Variants in ABCC8 observed in about 807,000 individuals in gnomAD.
The protein encoded by ABCC8 is ATP-binding cassette sub-family C member 8.
Under a neutral mutation model 188.0 loss-of-function variants are expected in ABCC8, and 137 were observed. The observed-to-expected ratio is 0.73, with a 90% CI of 0.63 to 0.84. The LOEUF (loss-of-function observed/expected upper bound fraction) is 0.84, where lower values mean the gene tolerates loss of function less well. Ranked by LOEUF, ABCC8 falls within the 40% of genes least tolerant of loss-of-function variation. ABCC8 has a pLI of 0.00. For missense variants in ABCC8, 1,750 were observed against 2,072.7 expected (o/e 0.84, Z 3.02); for synonymous variants, 797 against 846.5 (o/e 0.94, Z 1.01).
chr11:17,402,148 G>A (rs1231070721), intron 29 of ABCC8, among the ~76,000 whole-genome samples: 2 of 152,216 alleles, frequency 1.3e-5, no homozygotes, highest in Non-Finnish European at 2.9e-5. Context: ...TGAACAAATA[G>A]GTTCAAGTCT....
At chr11:17,475,462 A>T (rs958918331) in intron 1 of ABCC8, among the ~76,000 whole-genome samples, 7 of 152,082 alleles carry the variant, frequency 4.6e-5, no homozygotes, top group African/African-American at 1.7e-4. Flanking sequence ...GGACTCAAGC[A>T]GTCTTCCTGT....
At chr11:17,420,362 A>G (rs1486448336) in intron 16 of ABCC8, among the ~76,000 whole-genome samples, 1 of 152,198 alleles carries the variant, frequency 6.6e-6, no homozygotes, top group Admixed American at 6.5e-5. Flanking sequence ...TCACAGAGCT[A>G]GCAAGTGGCA....
At chr11:17,415,847 T>C (rs1454135213) in intron 17 of ABCC8, among the ~76,000 whole-genome samples, 2 of 152,188 alleles carry the variant, frequency 1.3e-5, no homozygotes, top group African/African-American at 2.4e-5. Context: ...GCTCCAGGCA[T>C]GATCTGCAGC....
At chr11:17,402,523 C>A in intron 29 of ABCC8, 138 bp downstream of exon 29, 1 of 1,548,378 alleles carries the variant, frequency 6.5e-7, no homozygotes, top group Non-Finnish European at 8.7e-7. Context: ...ATCCCTTGGG[C>A]CTTGGGACCT....
Position 17,427,244 on chromosome 11 carries a change from C to A in ABCC8, c.2117-90G>T. 2.1e-6 allele frequency: 3 copies of A among 1,396,052 alleles called. No homozygotes were observed. The highest frequency in any genetic ancestry group is 2.8e-6 in the Non-Finnish European group (3 of 1,075,830). 86.5% of individuals were successfully genotyped at this position (1,396,052 alleles called of 1,614,324 possible). A position where few individuals can be genotyped will look rare whatever the true frequency, so the allele number is the denominator to read the frequency against. ...AAGACAGACAGACAGATGCACCCAA[C>A]CCTGGGGCCCCTGTTTTCTTTCTTC... is the stretch of plus-strand genomic sequence containing the variant. On this transcript the variant is annotated intron_variant, in intron 15 of 38. Coordinates refer to ENST00000389817, the MANE Select transcript of ABCC8 (RefSeq NM_000352.6). The surrounding 1 kb of genome is among the most constrained non-coding windows in gnomAD (Gnocchi z 5.0).
At chr11:17,401,272 G>T (rs1156417016) in intron 29 of ABCC8, among the ~76,000 whole-genome samples, 2 of 152,220 alleles carry the variant, frequency 1.3e-5, no homozygotes, top group Non-Finnish European at 2.9e-5. Flanking sequence ...GAGGAGGCTG[G>T]GAGGAGACTC....
chr11:17,431,392 A>T (rs756831241), intron 11 of ABCC8, among the ~76,000 whole-genome samples: 12 of 152,244 alleles, frequency 7.9e-5, no homozygotes, highest in Non-Finnish European at 1.8e-4. Flanking sequence ...TCTGTTACCC[A>T]CAGTTCCCCC....
chr11:17,457,594 T>G (rs1957041133), intron 6 of ABCC8, among the ~76,000 whole-genome samples: 1 of 151,804 alleles, frequency 6.6e-6, no homozygotes, highest in Non-Finnish European at 1.5e-5. Flanking sequence ...AGATTGGGAG[T>G]AGGGGTTGGG....
chr11:17,408,952 C>CTTTT (rs376681171), intron 22 of ABCC8, among the ~76,000 whole-genome samples: 8 of 125,816 alleles, frequency 6.4e-5, no homozygotes, highest in East Asian at 2.4e-4. Flanking sequence ...ATCAATAAAT[C>CTTTT]TTTTTTTTTT....
chr11:17,428,596 G>A lies in ABCC8; in HGVS notation c.1892C>T (p.Pro631Leu), dbSNP rs1347983128. 6.2e-7 allele frequency: 1 copy of A among 1,614,032 alleles called. No individual in the cohort carries two copies. Among genetic ancestry groups the A allele is most frequent in the Non-Finnish European group, 8.5e-7 (1 of 1,180,050 alleles). Reference sequence around the variant, plus strand: ...CTGGTACTTGCTGGCTGGGCCCTGAGGTGTGGGCTCATGGGGGGCACACTG... The same window carrying A: ...CTGGTACTTGCTGGCTGGGCCCTGAAGTGTGGGCTCATGGGGGGCACACTG... ...EEQCAPHEPT[P>L]QGPASKYQAV... The change falls in exon 13 of 39, where the codon CCT becomes CTT. Residue 631 changes from proline (P) to leucine (L), a missense_variant. By Grantham distance (98) the Pro-to-Leu change is moderately conservative. Coordinates refer to ENST00000389817, the MANE Select transcript of ABCC8 (RefSeq NM_000352.6).
intron 18 of ABCC8, 28 bp downstream of exon 18, chr11:17,415,276 G>T (rs750802838): frequency 3.7e-6 from 6 of 1,600,938 alleles, no homozygotes. Flanking sequence ...AGTTGACCCT[G>T]GGGGGCAATG....
intron 4 of ABCC8, among the ~76,000 whole-genome samples, chr11:17,462,388 C>T (rs571452763): frequency 2.0e-5 from 3 of 152,156 alleles, no homozygotes; most frequent in Admixed American, 6.5e-5. Flanking sequence ...TGCAGGCAGT[C>T]CAAGTTCGAA....
intron 8 of ABCC8, among the ~76,000 whole-genome samples, chr11:17,447,379 C>T (rs1423138801): frequency 6.6e-6 from 1 of 152,180 alleles, no homozygotes; most frequent in African/African-American, 2.4e-5. Context: ...CTTCCTGAGC[C>T]AGCACCAAAG....
intron 10 of ABCC8, among the ~76,000 whole-genome samples, chr11:17,432,982 T>G (rs953212538): frequency 1.2e-4 from 18 of 152,184 alleles, no homozygotes; most frequent in Admixed American, 6.5e-5. Context: ...TTTTGTAAAC[T>G]TATAAATACT....
chr11:17,450,298 CTTTCTTTCTTTCTTTCTTTCTTTCTT>C (rs1564959098), intron 7 of ABCC8, among the ~76,000 whole-genome samples: 14 of 134,110 alleles, frequency 1.0e-4, no homozygotes, highest in African/African-American at 4.2e-4. Flanking sequence ...TTCTTTCTTT[CTTTCTTTCTTTCTTTCTTTCTTTCTT>C]TCTCTCTCTC....
chr11:17,435,423 A>G (rs1956046728), intron 10 of ABCC8, among the ~76,000 whole-genome samples: 1 of 152,232 alleles, frequency 6.6e-6, no homozygotes. Flanking sequence ...TTCTAGGCCC[A>G]GAGAGGCAAG....
chr11:17,423,446 G>C (rs188269659), intron 16 of ABCC8, among the ~76,000 whole-genome samples: 5 of 150,312 alleles, frequency 3.3e-5, no homozygotes, highest in African/African-American at 1.2e-4. Flanking sequence ...TACACTAGGC[G>C]CTCAACTGGG....
At chr11:17,432,574 G>A (rs1955897874) in intron 10 of ABCC8, among the ~76,000 whole-genome samples, 1 of 152,222 alleles carries the variant, frequency 6.6e-6, no homozygotes, top group African/African-American at 2.4e-5. Context: ...GAGGTCAGGA[G>A]CACGTGTTTC....
intron 37 of ABCC8, 150 bp downstream of exon 37, chr11:17,394,116 G>A: frequency 9.3e-7 from 1 of 1,071,246 alleles, no homozygotes; most frequent in Non-Finnish European, 1.4e-6. Context: ...ACAGAGTCAG[G>A]GTCCCCCCAG....
Sources: gnomAD v4.1 joint callset for allele counts (sites outside exome capture counted in the v4.1 genomes callset) on GRCh38, gnomAD v4.1.1 for gene constraint, Gnocchi (gnomAD v3.1) non-coding constraint, MANE v1.5 for transcripts, NCBI Gene and HGNC (gene_info 2026-07-23, HGNC 2026-07-21) for gene names.